Variants in DOCK2 observed in about 807,000 individuals in gnomAD.
The protein encoded by DOCK2 is dedicator of cytokinesis 2.
Under a neutral mutation model 248.9 loss-of-function variants are expected in DOCK2, and 87 were observed. The ratio of observed to expected loss-of-function variants is 0.35; its 90% CI spans 0.29 to 0.42. The LOEUF (loss-of-function observed/expected upper bound fraction) is 0.42, where lower values mean the gene tolerates loss of function less well. Ranked by LOEUF, DOCK2 falls within the 10% of genes least tolerant of loss-of-function variation. DOCK2 has a pLI of 1.00. For synonymous variants in DOCK2, 805 were observed against 821.6 expected (o/e 0.98, Z 0.35); for missense variants, 1,747 against 2,300.2 (o/e 0.76, Z 4.92).
At position 170,055,385 on chromosome 5, in the gene DOCK2, A is replaced by C. The variant is rs1244831224; in HGVS notation, c.4294A>C (p.Asn1432His). 2.5e-6 allele frequency: 4 copies of C among 1,613,940 alleles called. No homozygotes were observed. Among genetic ancestry groups the C allele is most frequent in the Non-Finnish European group, 3.4e-6 (4 of 1,179,800 alleles). The change falls in exon 42 of 52, where the codon AAC becomes CAC. Residue 1432 changes from asparagine (N) to histidine (H), a missense_variant and splice_region_variant. Physicochemically the swap from Asn to His is moderately conservative, Grantham distance 68. Transcript: ENST00000520908. Reference protein sequence around the residue: ...KNKPVPDQIINFYKSNYVQRF... With the variant: ...KNKPVPDQIIHFYKSNYVQRF... ...TAAGCCAGTGCCTGACCAGATTATA[A>C]AGTAAGACTCGTTGTCCACAGGGAA...
In DOCK2 at chr5:169,839,203, A is replaced by C. The variant is rs1769787555; in HGVS notation, c.2704-1554A>C. On this transcript the variant is annotated intron_variant, in intron 26 of 51. Coordinates refer to ENST00000520908, the MANE Select transcript of DOCK2 (RefSeq NM_004946.3). ...CCAGAGCTAAACAGCATGTCACATCATGGTTCTTAGCCATCAGAATAACAC... is the reference window on the plus strand; with the variant it reads ...CCAGAGCTAAACAGCATGTCACATCCTGGTTCTTAGCCATCAGAATAACAC... 3.3e-5 allele frequency among the ~76,000 whole-genome samples: 5 copies of C among 152,160 alleles called. No individual in the cohort carries two copies. The South Asian group carries it at 8.3e-4, about 25-fold the overall frequency.
intron 39 of DOCK2, among the ~76,000 whole-genome samples, chr5:170,046,264 CT>C (rs1756705189): frequency 6.6e-6 from 1 of 152,234 alleles, no homozygotes; most frequent in Admixed American, 6.5e-5. Context: ...TTTGTGCTTT[CT>C]GATTAACAGA....
chr5:169,650,258 AT>A (rs1296511289), intron 1 of DOCK2, among the ~76,000 whole-genome samples: 1 of 152,218 alleles, frequency 6.6e-6, no homozygotes, highest in African/African-American at 2.4e-5. Flanking sequence ...ACCATGGAGT[AT>A]ATACTTGGCA....
At chr5:170,063,631 C>G (rs1309875140) in intron 44 of DOCK2, among the ~76,000 whole-genome samples, 2 of 152,288 alleles carry the variant, frequency 1.3e-5, no homozygotes, top group Non-Finnish European at 2.9e-5. Flanking sequence ...AGTGATAAAT[C>G]CAGGTCTATC....
chr5:170,028,237 G>A (rs1477384042), intron 34 of DOCK2, among the ~76,000 whole-genome samples: 1 of 152,242 alleles, frequency 6.6e-6, no homozygotes, highest in East Asian at 1.9e-4. Context: ...ACTGTGGAAT[G>A]TGATTGCTAT....
chr5:169,687,310 AG>A (rs1760040655), intron 8 of DOCK2, among the ~76,000 whole-genome samples: 1 of 152,190 alleles, frequency 6.6e-6, no homozygotes, highest in African/African-American at 2.4e-5. Flanking sequence ...AAAACACAAA[AG>A]ATGAAAAGAT....
At chr5:169,973,672 C>T (rs11134600) in intron 27 of DOCK2, among the ~76,000 whole-genome samples, 30,462 of 152,106 alleles carry the variant, frequency 0.2, 3,807 homozygotes, top group East Asian at 0.42. Flanking sequence ...TCCCAGTATG[C>T]GGTATTGGTA....
intron 27 of DOCK2, among the ~76,000 whole-genome samples, chr5:169,942,045 C>T (rs1362434956): frequency 3.9e-5 from 6 of 152,184 alleles, no homozygotes; most frequent in East Asian, 1.9e-4. Flanking sequence ...TTAGCCTGAA[C>T]GAAAACAGTT....
intron 26 of DOCK2, among the ~76,000 whole-genome samples, chr5:169,821,495 C>T (rs1446592257): frequency 6.6e-6 from 1 of 152,060 alleles, no homozygotes; most frequent in Non-Finnish European, 1.5e-5. Context: ...AATTTTCAAC[C>T]CAGAATTTCA....
At chr5:170,047,756 TC>T in intron 40 of DOCK2, 142 bp downstream of exon 40, 1 of 654,464 alleles carries the variant, frequency 1.5e-6, no homozygotes, top group Non-Finnish European at 2.6e-6. Flanking sequence ...CCCAGGAGAC[TC>T]CCCAGTCAAT....
rs1764598488 is a variant in DOCK2 at position 169,763,500 on chromosome 5, A to G, written c.2554+1875A>G. Among the ~76,000 whole-genome samples, 1 of 152,218 alleles carries G rather than the reference A, an allele frequency of 6.6e-6. No homozygotes were observed. ...TGGCATCAAGGCCAGATGGAGTGCTAGCACGGGCCTGGGCTGGGCATGTGG... is the reference window on the plus strand; with the variant it reads ...TGGCATCAAGGCCAGATGGAGTGCTGGCACGGGCCTGGGCTGGGCATGTGG... On this transcript the variant is annotated intron_variant, in intron 25 of 51. Transcript: ENST00000520908. The surrounding 1 kb of genome is among the most constrained non-coding windows in gnomAD (Gnocchi z 4.1).
At chr5:169,717,561 G>T (rs1761970110) in intron 21 of DOCK2, 77 bp downstream of exon 21, 5 of 1,362,914 alleles carry the variant, frequency 3.7e-6, no homozygotes, top group Non-Finnish European at 5.2e-6. Context: ...ACAGGAACTT[G>T]AGTAATTTTC....
intron 27 of DOCK2, among the ~76,000 whole-genome samples, chr5:169,958,553 G>A (rs900806699): frequency 2.0e-4 from 30 of 150,058 alleles, no homozygotes; most frequent in African/African-American, 7.4e-4. Context: ...TTAAAATAGA[G>A]GACAAAAGGG....
intron 2 of DOCK2, among the ~76,000 whole-genome samples, chr5:169,655,486 G>A (rs264834): frequency 0.51 from 77,588 of 152,040 alleles, 19,959 homozygotes; most frequent in Non-Finnish European, 0.55. Flanking sequence ...ACCTGCAGGA[G>A]TAGCCATCTT....
chr5:169,985,477 C>T lies in DOCK2; in HGVS notation c.2899-351C>T, dbSNP rs565372312. ...TAATAAGAGTTTATTTGCTCAATGA[C>T]CTGAGATGCTTTCATACAGTGAGAT... On this transcript the variant is annotated intron_variant, in intron 28 of 51. Coordinates refer to ENST00000520908, the MANE Select transcript of DOCK2 (RefSeq NM_004946.3). 2.0e-5 allele frequency among the ~76,000 whole-genome samples: 3 copies of T among 151,652 alleles called. No individual in the cohort carries two copies. The South Asian group carries it at 6.3e-4, about 32-fold the overall frequency.
intron 27 of DOCK2, among the ~76,000 whole-genome samples, chr5:169,925,578 T>TAAAAAAAAAAAAA (rs1561828965): frequency 3.1e-5 from 1 of 32,324 alleles, no homozygotes; most frequent in African/African-American, 1.3e-4. Context: ...AGACTCTGTC[T>TAAAAAAAAAAAAA]TAAAAAAAAA....
chr5:170,072,784 C>T (rs533543162), intron 46 of DOCK2, among the ~76,000 whole-genome samples: 1 of 152,220 alleles, frequency 6.6e-6, no homozygotes, highest in South Asian at 2.1e-4. Flanking sequence ...TGTTCAGCAC[C>T]TTTTCATATG....
chr5:169,922,609 T>C (rs891650200), intron 27 of DOCK2, among the ~76,000 whole-genome samples: 1 of 152,214 alleles, frequency 6.6e-6, no homozygotes, highest in Non-Finnish European at 1.5e-5. Flanking sequence ...TACATTATCT[T>C]TCTAAGCTGG....
At position 170,079,231 on chromosome 5, in the gene DOCK2, A is replaced by G. The variant is rs971263147; in HGVS notation, c.5166+85A>G. On this transcript the variant is annotated intron_variant, in intron 49 of 51. Transcript: ENST00000520908. ...GGCACAAAACCCAGGGCTTCCAGAT[A>G]TGGGCTTCCTGAAGCCTGCCACTGC... is the stretch of plus-strand genomic sequence containing the variant. 1.2e-5 allele frequency: 18 copies of G among 1,509,398 alleles called. No individual in the cohort carries two copies. The Admixed American group carries it at 2.4e-4, about 20-fold the overall frequency. 93.5% of individuals were successfully genotyped at this position (1,509,398 alleles called of 1,614,324 possible). A position where few individuals can be genotyped will look rare whatever the true frequency, so the allele number is the denominator to read the frequency against.
Sources: allele counts gnomAD v4.1 joint callset (sites outside exome capture counted in the v4.1 genomes callset), GRCh38; gene constraint gnomAD v4.1.1; non-coding constraint Gnocchi (gnomAD v3.1); transcripts MANE v1.5; gene names NCBI Gene and HGNC (gene_info 2026-07-23, HGNC 2026-07-21).